USP38: variants seen among roughly 807,000 people sequenced by gnomAD.
USP38 encodes the protein ubiquitin specific peptidase 38, also known as ubiquitin carboxyl-terminal hydrolase 38.
In USP38, 49 loss-of-function variants were observed where a neutral mutation model predicts 94.3. That is an observed-to-expected ratio of 0.52 (90% CI 0.41 to 0.66). The LOEUF (loss-of-function observed/expected upper bound fraction) is 0.66. USP38 is among the 30% of genes least tolerant of loss of function. The pLI is 0.00. For missense variants in USP38, 1,128 were observed against 1,229.4 expected, an observed-to-expected ratio of 0.92 and a Z score of 1.23; for synonymous variants, 468 against 463.6, an observed-to-expected ratio of 1.01 and a Z score of -0.12.
chr4:143,199,125 C>T (rs1191404607), intron 4 of USP38, among the ~76,000 whole-genome samples: 4 of 152,224 alleles, frequency 2.6e-5, no homozygotes, highest in African/African-American at 7.2e-5. Flanking sequence ...TTCTGCTCCT[C>T]TACCTCCTCC....
chr4:143,214,512 G>T lies in USP38; in HGVS notation c.2536G>T (p.Val846Leu). 2 of 1,613,520 alleles carry T rather than the reference G, an allele frequency of 1.2e-6. No homozygotes were observed. Among genetic ancestry groups the T allele is most frequent in the South Asian group, 2.2e-5 (2 of 91,040 alleles). ...KLVPYLLSSV[V>L]VHSGISSESG... ...GGTGCCCTATCTATTAAGTTCCGTT[G>T]TGGTTCACTCTGGTATATCCTCTGA... The change falls in exon 9 of 10, where the codon GTG (valine) becomes TTG (leucine). Residue 846 changes from valine (V) to leucine (L), a missense_variant. Transcript: ENST00000307017.
At position 143,185,303 on chromosome 4, in the gene USP38, T is replaced by G. The variant is rs1731178415; in HGVS notation, c.-148T>G. ...GATGGGTCTCCCTGCGCCATAAATG[T>G]GGCTGCTGAGGCGGCGGTGGCCGTG... On this transcript the variant is annotated 5_prime_UTR_variant, in exon 1 of 10. Coordinates refer to ENST00000307017, the MANE Select transcript of USP38 (RefSeq NM_032557.6). The G allele has an allele frequency of 2.4e-6, 2 of 846,516 alleles. No individual in the cohort carries two copies. Among genetic ancestry groups the G allele is most frequent in the Non-Finnish European group, 1.8e-6 (1 of 562,224 alleles). 52.4% of individuals were successfully genotyped at this position (846,516 alleles called of 1,614,324 possible). A position where few individuals can be genotyped will look rare whatever the true frequency, so the allele number is the denominator to read the frequency against.
In USP38 at chr4:143,214,683, G is replaced by A; in HGVS notation, c.2707G>A (p.Asp903Asn). The A allele has an allele frequency of 6.2e-7, 1 of 1,613,650 alleles. No homozygotes were observed. The highest frequency in any genetic ancestry group is 1.1e-5 in the South Asian group (1 of 91,056). ...RDSPSAVFEQDLENKEMSKEW... is the reference protein window; with the variant it reads ...RDSPSAVFEQNLENKEMSKEW... ...TAGTCCCAGTGCAGTTTTTGAACAG[G>A]ATTTGGAAAATAAGGAAATGTCAAA... Residue 903 changes from aspartate to asparagine, a missense_variant, in exon 9 of 10, where the codon GAT becomes AAT. By Grantham distance (23) the Asp-to-Asn change is conservative. Coordinates refer to ENST00000307017, the MANE Select transcript of USP38 (RefSeq NM_032557.6).
intron 2 of USP38, among the ~76,000 whole-genome samples, chr4:143,192,323 C>T (rs1271610072): frequency 6.6e-6 from 1 of 151,982 alleles, no homozygotes; most frequent in Non-Finnish European, 1.5e-5. Flanking sequence ...GTCACCATGC[C>T]TAGCTAATTT....
rs746508430 is a variant in USP38, at chr4:143,185,815, A to T, written c.365A>T (p.Asp122Val). Residue 122 changes from aspartate to valine, a missense_variant, in exon 1 of 10, where the codon GAT (aspartate) becomes GTT (valine). By Grantham distance (152) the Asp-to-Val change is radical. Transcript: ENST00000307017. ...ATTATGAGCTGTCCGTCGGTGCTGG[A>T]TCTCTTTAGCCTCCTGCAGGTAGAG... ...KLIMSCPSVL[D>V]LFSLLQVEVL... 9.9e-6 allele frequency: 16 copies of T among 1,613,972 alleles called. No homozygotes were observed. The highest frequency in any genetic ancestry group is 1.6e-4 in the Middle Eastern group (1 of 6,084).
chr4:143,191,170 A>G lies in USP38; in HGVS notation c.818+3209A>G, dbSNP rs1353171363. ...CACTTTATACCTCCCCATGCACTATACTTTCCCAAACATAGCAGTGATCAT... is the reference window on the plus strand; with the variant it reads ...CACTTTATACCTCCCCATGCACTATGCTTTCCCAAACATAGCAGTGATCAT... On this transcript the variant is annotated intron_variant, in intron 2 of 9. Transcript: ENST00000307017. Among the ~76,000 whole-genome samples, 4 of 152,260 alleles carry G rather than the reference A, an allele frequency of 2.6e-5. No homozygotes were observed. In the East Asian group the frequency reaches 7.7e-4, roughly 29 times the overall value.
chr4:143,212,156 C>T (rs540390836), intron 7 of USP38, among the ~76,000 whole-genome samples, 162 bp from the exon 8 acceptor site: 1 of 152,286 alleles, frequency 6.6e-6, no homozygotes, highest in East Asian at 1.9e-4. Flanking sequence ...AACTTTATTT[C>T]TAAATAATTT....
chr4:143,212,461 T>G lies in USP38; in HGVS notation c.1604+37T>G, dbSNP rs760515543. ...TCTTAAAATTGTGATTTGAGTGTTG[T>G]CTTTCATAACAGTTTAATTCTACTT... On this transcript the variant is annotated intron_variant, in intron 8 of 9. Transcript: ENST00000307017. 6 of 1,447,174 alleles carry G rather than the reference T, an allele frequency of 4.1e-6. No homozygotes were observed. The South Asian group carries it at 6.3e-5, about 15-fold the overall frequency. 89.6% of individuals were successfully genotyped at this position (1,447,174 alleles called of 1,614,324 possible).
Position 143,222,682 on chromosome 4 carries a change from A to C in USP38, c.*2226A>C, listed in dbSNP as rs1320442626. On this transcript the variant is annotated 3_prime_UTR_variant, in exon 10 of 10. Coordinates refer to ENST00000307017, the MANE Select transcript of USP38 (RefSeq NM_032557.6). Reference sequence around the variant, plus strand: ...AAGACTTCCTTTTAACATTAAAAATACAGTAACTTTTTACGTGATTTGTTG... The same window carrying C: ...AAGACTTCCTTTTAACATTAAAAATCCAGTAACTTTTTACGTGATTTGTTG... 1 of 152,150 alleles carries C rather than the reference A, an allele frequency of 6.6e-6. No individual in the cohort carries two copies. Among genetic ancestry groups the C allele is most frequent in the African/African-American group, 2.4e-5 (1 of 41,458 alleles). 9.4% of individuals were successfully genotyped at this position (152,150 alleles called of 1,614,324 possible).
chr4:143,203,387 T>C, intron 4 of USP38, 21 bp from the exon 5 acceptor site: 2 of 1,601,294 alleles, frequency 1.2e-6, no homozygotes, highest in Non-Finnish European at 1.7e-6. Context: ...TTCAGCATTG[T>C]TTATCCTTTT....
Position 143,212,379 on chromosome 4 carries a change from G to T in USP38, c.1559G>T (p.Arg520Ile), listed in dbSNP as rs1241307498. 1.9e-6 allele frequency: 3 copies of T among 1,612,128 alleles called. No homozygotes were observed. The highest frequency in any genetic ancestry group is 3.3e-5 in the Admixed American group (2 of 59,772). The change falls in exon 8 of 10, where the codon AGA becomes ATA. Residue 520 changes from arginine (R) to isoleucine (I), a missense_variant. Physicochemically the swap from Arg to Ile is moderately conservative, Grantham distance 97 (BLOSUM62 -3). Coordinates refer to ENST00000307017, the MANE Select transcript of USP38 (RefSeq NM_032557.6). Reference sequence around the variant, plus strand: ...TCCAGACCTCCATGGTTTACTCCCAGATCACAGCAAGACTGTTCTGAATAC... The same window carrying T: ...TCCAGACCTCCATGGTTTACTCCCATATCACAGCAAGACTGTTCTGAATAC... ...EASRPPWFTP[R>I]SQQDCSEYLR...
chr4:143,196,478 G>A (rs1462757031), intron 3 of USP38, among the ~76,000 whole-genome samples: 4 of 152,014 alleles, frequency 2.6e-5, no homozygotes, highest in Non-Finnish European at 4.4e-5. Flanking sequence ...CTCAGGCCTC[G>A]TCTCATTTGA....
chr4:143,197,014 C>T (rs1731568640), intron 3 of USP38, among the ~76,000 whole-genome samples: 1 of 152,198 alleles, frequency 6.6e-6, no homozygotes. Flanking sequence ...AGCAGCCTTC[C>T]TGCTCCTGTC....
At chr4:143,217,473 C>T (rs1460179040) in intron 9 of USP38, among the ~76,000 whole-genome samples, 2 of 152,012 alleles carry the variant, frequency 1.3e-5, no homozygotes, top group African/African-American at 4.8e-5. Context: ...TTTTATAAAA[C>T]AGCTATAAAA....
intron 4 of USP38, among the ~76,000 whole-genome samples, 170 bp from the exon 5 acceptor site, chr4:143,203,238 A>G (rs1287830318): frequency 6.6e-6 from 1 of 152,166 alleles, no homozygotes; most frequent in East Asian, 1.9e-4. Context: ...CGAAAACTAG[A>G]TTTACCTTGA....
At chr4:143,210,933 C>A (rs948468314) in intron 7 of USP38, among the ~76,000 whole-genome samples, 1 of 151,888 alleles carries the variant, frequency 6.6e-6, no homozygotes, top group Non-Finnish European at 1.5e-5. Flanking sequence ...TTTTATTATT[C>A]TTTATCTGGG....
intron 9 of USP38, among the ~76,000 whole-genome samples, chr4:143,216,707 C>T (rs1028863996): frequency 6.6e-6 from 1 of 152,092 alleles, no homozygotes; most frequent in African/African-American, 2.4e-5. Context: ...AACTCCTGGG[C>T]TCAAGCAATC....
At position 143,213,724 on chromosome 4, in the gene USP38, A is replaced by C; in HGVS notation, c.1748A>C (p.Lys583Thr). 4.3e-6 allele frequency: 7 copies of C among 1,613,786 alleles called. No homozygotes were observed. The highest frequency in any genetic ancestry group is 5.9e-6 in the Non-Finnish European group (7 of 1,179,814). Residue 583 changes from lysine (K) to threonine (T), a missense_variant, in exon 9 of 10, where the codon AAG (lysine) becomes ACG (threonine). Lys to Thr is a moderately conservative substitution (Grantham distance 78, BLOSUM62 -1). Coordinates refer to ENST00000307017, the MANE Select transcript of USP38 (RefSeq NM_032557.6). The part of the protein sequence containing the change: ...TETPRTSDGE[K>T]TLIEKMFGGK... The stretch of plus-strand genomic sequence containing the variant: ...ACCCCTCGTACAAGTGACGGTGAGA[A>C]GACTTTAATAGAAAAAATGTTTGGA...
At chr4:143,197,744 T>C in intron 3 of USP38, 79 bp from the exon 4 acceptor site, 1 of 951,370 alleles carries the variant, frequency 1.1e-6, no homozygotes, top group Non-Finnish European at 1.7e-6. Flanking sequence ...AAATAAATTC[T>C]AGCTCTAGGA....
Sources: allele counts gnomAD v4.1 joint callset (sites outside exome capture counted in the v4.1 genomes callset), GRCh38; gene constraint gnomAD v4.1.1; transcripts MANE v1.5; gene names NCBI Gene and HGNC (gene_info 2026-07-23, HGNC 2026-07-21).